ARHGAP24: variants seen among roughly 807,000 people sequenced by gnomAD.
ARHGAP24 encodes rho GTPase-activating protein 24.
In ARHGAP24, 50 loss-of-function variants were observed where a neutral mutation model predicts 76.4. That is an observed-to-expected ratio of 0.65 (90% confidence interval 0.52 to 0.83). The LOEUF is 0.83. ARHGAP24 is among the 40% of genes least tolerant of loss of function. The probability of loss-of-function intolerance (pLI) is 0.00; values close to 1 mark genes in which losing one functional copy is unlikely to be tolerated. For synonymous variants in ARHGAP24, 345 were observed against 323.3 expected, an observed-to-expected ratio of 1.07 and a Z score of -0.72; for missense variants, 930 against 914.2, an observed-to-expected ratio of 1.02 and a Z score of -0.22.
At chr4:85,540,615 C>T (rs1440884219) in intron 1 of ARHGAP24, among the ~76,000 whole-genome samples, 2 of 152,080 alleles carry the variant, frequency 1.3e-5, no homozygotes, top group African/African-American at 4.8e-5. Flanking sequence ...TATATATACC[C>T]TTGTAACAAT....
intron 3 of ARHGAP24, among the ~76,000 whole-genome samples, chr4:85,846,722 G>C (rs776290546): frequency 2.0e-4 from 30 of 152,116 alleles, no homozygotes; most frequent in Non-Finnish European, 3.4e-4. Context: ...ATGAATATCT[G>C]AGAAAAATTG....
chr4:85,939,296 A>G (rs1459868247), intron 4 of ARHGAP24, among the ~76,000 whole-genome samples: 1 of 152,208 alleles, frequency 6.6e-6, no homozygotes, highest in Non-Finnish European at 1.5e-5. Context: ...ATTTTTAATT[A>G]TGAGAAAATG....
chr4:85,527,951 G>A (rs1725079380), intron 1 of ARHGAP24, among the ~76,000 whole-genome samples: 2 of 151,984 alleles, frequency 1.3e-5, no homozygotes, highest in South Asian at 4.1e-4. Flanking sequence ...CCTTTTATGT[G>A]TCAGGAACAT....
intron 2 of ARHGAP24, among the ~76,000 whole-genome samples, chr4:85,682,175 T>G (rs1723230575): frequency 6.6e-6 from 1 of 152,200 alleles, no homozygotes; most frequent in African/African-American, 2.4e-5. Flanking sequence ...AGTGTTAGTA[T>G]GAGCAATCCA....
intron 2 of ARHGAP24, among the ~76,000 whole-genome samples, chr4:85,657,012 G>A (rs959351038): frequency 6.6e-6 from 1 of 152,142 alleles, no homozygotes; most frequent in South Asian, 2.1e-4. Context: ...AAATTAAAAA[G>A]TAAATAAATT....
intron 2 of ARHGAP24, among the ~76,000 whole-genome samples, chr4:85,683,429 T>C (rs761512364): frequency 9.9e-5 from 15 of 152,196 alleles, no homozygotes; most frequent in Admixed American, 2.0e-4. Flanking sequence ...AAAAAGACCA[T>C]AAACTTTGAA....
chr4:85,490,205 T>C (rs974537731), intron 1 of ARHGAP24, among the ~76,000 whole-genome samples: 15 of 152,176 alleles, frequency 9.9e-5, no homozygotes, highest in African/African-American at 3.6e-4. Context: ...GCCTGAGATA[T>C]GCTGAATTAC....
chr4:85,624,951 A>G (rs558650170), intron 2 of ARHGAP24, among the ~76,000 whole-genome samples: 1 of 151,288 alleles, frequency 6.6e-6, no homozygotes, highest in Non-Finnish European at 1.5e-5. Flanking sequence ...TGTCTATTTG[A>G]TTCTTCTCTC....
At chr4:85,733,059 A>AATTTTTTTTTT (rs1560606971) in intron 3 of ARHGAP24, among the ~76,000 whole-genome samples, 1 of 35,794 alleles carries the variant, frequency 2.8e-5, no homozygotes, top group African/African-American at 7.0e-5. Context: ...GGCCTCACCA[A>AATTTTTTTTTT]CTTTTTTTTT....
intron 2 of ARHGAP24, among the ~76,000 whole-genome samples, chr4:85,653,605 C>G (rs1722028385): frequency 6.6e-6 from 1 of 152,122 alleles, no homozygotes; most frequent in South Asian, 2.1e-4. Flanking sequence ...TCCTGAGTAG[C>G]TGGGATTACA....
chr4:85,792,711 G>T (rs1449018421), intron 3 of ARHGAP24, among the ~76,000 whole-genome samples: 1 of 152,024 alleles, frequency 6.6e-6, no homozygotes, highest in South Asian at 2.1e-4. Flanking sequence ...TATTTTCTCA[G>T]GAAATATCTG....
rs751786204 is a variant in ARHGAP24, at chr4:85,722,012, T to C, written c.268+40T>C. On this transcript the variant is annotated intron_variant, in intron 3 of 9. Coordinates refer to ENST00000395184, the MANE Select transcript of ARHGAP24 (RefSeq NM_001025616.3). The stretch of plus-strand genomic sequence containing the variant: ...TAGTCTGATTAAATTATTGTCATCC[T>C]GTGTTGGTAAAGGTGAAGATGGGTC... The C allele has an allele frequency of 1.0e-5, 16 of 1,566,350 alleles. No individual in the cohort carries two copies. In the South Asian group the frequency reaches 1.8e-4, roughly 17 times the overall value.
chr4:85,918,289 T>A (rs1190107627), intron 3 of ARHGAP24, among the ~76,000 whole-genome samples: 1 of 151,924 alleles, frequency 6.6e-6, no homozygotes, highest in Non-Finnish European at 1.5e-5. Flanking sequence ...TAATAAAAAC[T>A]CATATTAATA....
chr4:85,778,901 T>C (rs1727414601), intron 3 of ARHGAP24: 1 of 985,454 alleles, frequency 1.0e-6, no homozygotes, highest in Non-Finnish European at 1.2e-6. Context: ...CTGAAGGCAG[T>C]GGACAGTTAA....
At chr4:85,914,492 C>T (rs1735260078) in intron 3 of ARHGAP24, among the ~76,000 whole-genome samples, 1 of 152,196 alleles carries the variant, frequency 6.6e-6, no homozygotes, top group Non-Finnish European at 1.5e-5. Flanking sequence ...TAGACGTATA[C>T]ACTGAAGTTT....
chr4:85,784,905 CTCTATCTATCTA>C (rs59888935), intron 3 of ARHGAP24, among the ~76,000 whole-genome samples: 74,924 of 147,530 alleles, frequency 0.51, 19,168 homozygotes, highest in Non-Finnish European at 0.54. Context: ...GATTATATAT[CTCTATCTATCTA>C]TCTATCTATC....
intron 1 of ARHGAP24, among the ~76,000 whole-genome samples, chr4:85,508,712 A>T (rs939914801): frequency 6.6e-6 from 1 of 152,164 alleles, no homozygotes; most frequent in South Asian, 2.1e-4. Context: ...GCATATCTTA[A>T]TAAACCACTG....
At chr4:85,819,293 C>T (rs60665690) in intron 3 of ARHGAP24, among the ~76,000 whole-genome samples, 19,478 of 152,178 alleles carry the variant, frequency 0.13, 1,394 homozygotes, top group East Asian at 0.33. Flanking sequence ...AATGACAACT[C>T]TTTAGATTCT....
intron 2 of ARHGAP24, among the ~76,000 whole-genome samples, chr4:85,687,467 G>C (rs1467022334): frequency 1.3e-5 from 2 of 152,136 alleles, no homozygotes; most frequent in Non-Finnish European, 2.9e-5. Flanking sequence ...TTGTTCCCAT[G>C]TATTTGTCCA....
Sources: gnomAD v4.1 joint callset for allele counts (sites outside exome capture counted in the v4.1 genomes callset) on GRCh38, gnomAD v4.1.1 for gene constraint, MANE v1.5 for transcripts, NCBI Gene and HGNC (gene_info 2026-07-23, HGNC 2026-07-21) for gene names.